Variants in HIKESHI observed in about 807,000 individuals in gnomAD.
The protein encoded by HIKESHI is protein Hikeshi.
HIKESHI carries 13 observed loss-of-function variants against 25.7 expected under a neutral mutation model. The ratio of observed to expected loss-of-function variants is 0.51; its 90% CI spans 0.33 to 0.80. HIKESHI has a LOEUF of 0.80. HIKESHI is among the 30% of genes least tolerant of loss of function. The pLI is 0.02. For synonymous variants in HIKESHI, 76 were observed against 78.7 expected (o/e 0.97, Z 0.18); for missense variants, 174 against 229.5 (o/e 0.76, Z 1.56).
chr11:86,338,069 A>G (rs947357361), intron 3 of HIKESHI, among the ~76,000 whole-genome samples: 1 of 152,200 alleles, frequency 6.6e-6, no homozygotes, highest in Non-Finnish European at 1.5e-5. Context: ...AATTACAAGT[A>G]TACATTATTA....
At chr11:86,340,349 C>G (rs1947692580) in intron 3 of HIKESHI, among the ~76,000 whole-genome samples, 2 of 152,192 alleles carry the variant, frequency 1.3e-5, no homozygotes, top group Admixed American at 1.3e-4. Context: ...AATGGTTGAA[C>G]TAGTTTATAC....
chr11:86,308,233 A>G lies in HIKESHI; in HGVS notation c.268+1751A>G, dbSNP rs190090756. ...AAAATATATATTACATATAAAATATATATTATATATAAAATATATATTACA... is the reference window on the plus strand; with the variant it reads ...AAAATATATATTACATATAAAATATGTATTATATATAAAATATATATTACA... On this transcript the variant is annotated intron_variant, in intron 2 of 4. Coordinates refer to ENST00000278483, the MANE Select transcript of HIKESHI (RefSeq NM_016401.4). Among the ~76,000 whole-genome samples, 138 of 136,084 alleles carry G rather than the reference A, an allele frequency of 1.0e-3. 2 individuals carry two copies. Among genetic ancestry groups the G allele is most frequent in the African/African-American group, 3.0e-3 (109 of 35,896 alleles). 89.3% of individuals were successfully genotyped at this position (136,084 alleles called of 152,430 possible). A position where few individuals can be genotyped will look rare whatever the true frequency, so the allele number is the denominator to read the frequency against.
chr11:86,315,509 C>T (rs764056409), intron 2 of HIKESHI, among the ~76,000 whole-genome samples: 1 of 151,980 alleles, frequency 6.6e-6, no homozygotes, highest in African/African-American at 2.4e-5. Context: ...TTAGTAGAGT[C>T]GGGGTTTCAC....
chr11:86,328,631 A>G (rs1947344830), intron 2 of HIKESHI, among the ~76,000 whole-genome samples: 1 of 151,924 alleles, frequency 6.6e-6, no homozygotes, highest in South Asian at 2.1e-4. Context: ...TTTAGTAGAG[A>G]TGGGGTTTCA....
intron 3 of HIKESHI, among the ~76,000 whole-genome samples, chr11:86,337,738 A>G (rs376208256): frequency 5.6e-4 from 85 of 152,150 alleles, no homozygotes; most frequent in African/African-American, 2.0e-3. Flanking sequence ...GCTGACTGCA[A>G]TTTCCGCCTC....
chr11:86,310,853 A>C lies in HIKESHI; in HGVS notation c.268+4371A>C, dbSNP rs866257909. Among the ~76,000 whole-genome samples, 84 of 152,188 alleles carry C rather than the reference A, an allele frequency of 5.5e-4. No individual in the cohort carries two copies. In the Middle Eastern group the frequency reaches 0.01, roughly 18 times the overall value. On this transcript the variant is annotated intron_variant, in intron 2 of 4. Transcript: ENST00000278483. The stretch of plus-strand genomic sequence containing the variant: ...TTTTGTCTTTGGTTCTGTTTATATG[A>C]TGGATTACATTTATTGATTTGTGTA...
chr11:86,319,029 G>C (rs570726976), intron 2 of HIKESHI, among the ~76,000 whole-genome samples: 2 of 151,782 alleles, frequency 1.3e-5, no homozygotes, highest in African/African-American at 4.8e-5. Flanking sequence ...CCATCCTCCT[G>C]CCTTAGCCTC....
chr11:86,343,086 A>G (rs934985869), intron 3 of HIKESHI, among the ~76,000 whole-genome samples: 4 of 152,178 alleles, frequency 2.6e-5, no homozygotes, highest in Admixed American at 2.0e-4. Context: ...TCCATTGAAC[A>G]TGGTATATCT....
At chr11:86,344,513 A>C in intron 3 of HIKESHI, 90 bp from the exon 4 acceptor site, 1 of 808,664 alleles carries the variant, frequency 1.2e-6, no homozygotes, top group Non-Finnish European at 1.9e-6. Flanking sequence ...CCCTATAAAC[A>C]AGTTAATGTG....
chr11:86,335,691 T>C (rs1947536028), intron 2 of HIKESHI, among the ~76,000 whole-genome samples: 1 of 152,180 alleles, frequency 6.6e-6, no homozygotes, highest in South Asian at 2.1e-4. Flanking sequence ...GACTACTAAC[T>C]AATGGAACAG....
chr11:86,329,910 C>G (rs1947378517), intron 2 of HIKESHI, among the ~76,000 whole-genome samples: 1 of 152,004 alleles, frequency 6.6e-6, no homozygotes. Flanking sequence ...AAATCTCTGT[C>G]TCTTAAATAG....
At chr11:86,320,963 C>G (rs1474524357) in intron 2 of HIKESHI, among the ~76,000 whole-genome samples, 1 of 151,974 alleles carries the variant, frequency 6.6e-6, no homozygotes, top group Non-Finnish European at 1.5e-5. Context: ...GAGACAGAGT[C>G]TCACACTGTT....
At position 86,345,554 on chromosome 11, in the gene HIKESHI, GAATGTAAATATA is replaced by G. The variant is rs367653131; in HGVS notation, c.540-29_540-18del. ...AAAGATCCTATTTTAATTTTCTTGTGAATGTAAATATATGTGTTTTCTTTTCTAGGTATGAAA... is the reference window on the plus strand; with the variant it reads ...AAAGATCCTATTTTAATTTTCTTGTGTGTGTTTTCTTTTCTAGGTATGAAA... On this transcript the variant is annotated intron_variant, in intron 4 of 4. Transcript: ENST00000278483. 1.3e-4 allele frequency: 175 copies of G among 1,329,944 alleles called. No individual in the cohort carries two copies. The African/African-American group carries it at 2.4e-3, about 18-fold the overall frequency. 82.4% of individuals were successfully genotyped at this position (1,329,944 alleles called of 1,614,324 possible).
chr11:86,329,833 CA>C (rs1215868978), intron 2 of HIKESHI, among the ~76,000 whole-genome samples: 4 of 152,036 alleles, frequency 2.6e-5, no homozygotes, highest in African/African-American at 9.7e-5. Flanking sequence ...ATAGTGTTTA[CA>C]TGCTATATTT....
Position 86,302,395 on chromosome 11 carries a change from G to C in HIKESHI, c.-54G>C. The C allele has an allele frequency of 6.5e-7, 1 of 1,550,240 alleles. No individual in the cohort carries two copies. The highest frequency in any genetic ancestry group is 8.7e-7 in the Non-Finnish European group (1 of 1,146,406). On this transcript the variant is annotated 5_prime_UTR_variant, in exon 1 of 5. Coordinates refer to ENST00000278483, the MANE Select transcript of HIKESHI (RefSeq NM_016401.4). ...GTCTCGACTAGGGCAGTAGCCCCAG[G>C]ACTCCTAGTCGCCGGCTTCAGGTCA...
At chr11:86,343,079 A>G (rs1201145294) in intron 3 of HIKESHI, among the ~76,000 whole-genome samples, 1 of 152,152 alleles carries the variant, frequency 6.6e-6, no homozygotes, top group African/African-American at 2.4e-5. Context: ...ATGTCTTTCC[A>G]TTGAACATGG....
At position 86,306,423 on chromosome 11, in the gene HIKESHI, T is replaced by G. The variant is rs1223754309; in HGVS notation, c.209T>G (p.Leu70Arg). 1 of 1,614,016 alleles carries G rather than the reference T, an allele frequency of 6.2e-7. No homozygotes were observed. The highest frequency in any genetic ancestry group is 8.5e-7 in the Non-Finnish European group (1 of 1,179,888). ...AATGGAATGCCAGTATGGCAACTCC[T>G]AGGATTTGTCACGAATGGGAAGCCA... ...DSNGMPVWQL[L>R]GFVTNGKPSA... The change falls in exon 2 of 5, where the codon CTA becomes CGA. Residue 70 changes from leucine (L) to arginine (R), a missense_variant. Transcript: ENST00000278483.
At chr11:86,304,515 T>C (rs1006616191) in intron 1 of HIKESHI, among the ~76,000 whole-genome samples, 78 of 145,766 alleles carry the variant, frequency 5.4e-4, no homozygotes, top group African/African-American at 1.9e-3. Context: ...CAACTCACTT[T>C]TTTTTTTTTT....
At chr11:86,307,003 GA>G (rs200914438) in intron 2 of HIKESHI, among the ~76,000 whole-genome samples, 46 of 112,684 alleles carry the variant, frequency 4.1e-4, no homozygotes, top group South Asian at 1.4e-3. Flanking sequence ...CTGTCTCAAA[GA>G]AAAAAAAAAT....
Sources: gnomAD v4.1 joint callset for allele counts (sites outside exome capture counted in the v4.1 genomes callset) on GRCh38, gnomAD v4.1.1 for gene constraint, MANE v1.5 for transcripts, NCBI Gene and HGNC (gene_info 2026-07-23, HGNC 2026-07-21) for gene names.